Variants in FUT9 observed in about 807,000 individuals in gnomAD.
The protein encoded by FUT9 is 4-galactosyl-N-acetylglucosaminide 3-alpha-L-fucosyltransferase 9.
Under a neutral mutation model 29.7 loss-of-function variants are expected in FUT9, and 15 were observed. That is an observed-to-expected ratio of 0.51 (90% CI 0.34 to 0.78). The LOEUF (loss-of-function observed/expected upper bound fraction) is 0.78. Ranked by LOEUF, FUT9 falls within the 30% of genes least tolerant of loss-of-function variation. The probability of loss-of-function intolerance (pLI) is 0.01; values close to 1 mark genes in which losing one functional copy is unlikely to be tolerated. For missense variants in FUT9, 319 were observed against 425.4 expected (o/e 0.75, Z 2.20); for synonymous variants, 169 against 153.7 (o/e 1.10, Z -0.74).
At chr6:96,179,657 T>C (rs1773269948) in intron 2 of FUT9, among the ~76,000 whole-genome samples, 1 of 152,074 alleles carries the variant, frequency 6.6e-6, no homozygotes, top group African/African-American at 2.4e-5. Context: ...TAAGTTACCT[T>C]GCTGGCTGAA....
At chr6:96,116,239 T>A (rs1279240076) in intron 2 of FUT9, among the ~76,000 whole-genome samples, 1 of 152,104 alleles carries the variant, frequency 6.6e-6, no homozygotes, top group East Asian at 1.9e-4. Flanking sequence ...AACATACCTG[T>A]TAAAAATGAA....
intron 1 of FUT9, among the ~76,000 whole-genome samples, chr6:96,053,016 A>G (rs540092828): frequency 1.0e-3 from 153 of 152,164 alleles, no homozygotes; most frequent in Non-Finnish European, 1.7e-3. Flanking sequence ...ACAAAGCCCA[A>G]TCATCACTGA....
At chr6:96,097,916 A>T (rs912628905) in intron 1 of FUT9, among the ~76,000 whole-genome samples, 4 of 152,128 alleles carry the variant, frequency 2.6e-5, no homozygotes, top group African/African-American at 9.7e-5. Context: ...GATACAAAAA[A>T]ATATGCATAC....
intron 2 of FUT9, among the ~76,000 whole-genome samples, chr6:96,127,168 T>C (rs1270640283): frequency 6.6e-6 from 1 of 152,176 alleles, no homozygotes; most frequent in African/African-American, 2.4e-5. Flanking sequence ...AGGTAGTTTT[T>C]CAATCCTCAC....
intron 2 of FUT9, among the ~76,000 whole-genome samples, chr6:96,117,840 A>G (rs1442778871): frequency 2.6e-5 from 4 of 152,206 alleles, no homozygotes; most frequent in Non-Finnish European, 5.9e-5. Context: ...ATTTTATATC[A>G]TTAAAAAACT....
rs914361709 is a variant in FUT9 at position 96,043,139 on chromosome 6, C to T, written c.-98+26927C>T. On this transcript the variant is annotated intron_variant, in intron 1 of 2. Transcript: ENST00000302103. ...CGATCTCGGCTCACTGCAAGCTCCG[C>T]CTCCCGGGTTCATGCCATTCTCCTG... Among the ~76,000 whole-genome samples the T allele has an allele frequency of 7.2e-5, 11 of 152,164 alleles. No individual in the cohort carries two copies. In the South Asian group the frequency reaches 1.5e-3, roughly 20 times the overall value.
At chr6:96,056,291 A>G (rs2127941263) in intron 1 of FUT9, among the ~76,000 whole-genome samples, 1 of 152,358 alleles carries the variant, frequency 6.6e-6, no homozygotes, top group South Asian at 2.1e-4. Context: ...GGGTAGAAAA[A>G]GACAAATAGA....
At chr6:96,094,498 C>A (rs1243623602) in intron 1 of FUT9, among the ~76,000 whole-genome samples, 2 of 152,052 alleles carry the variant, frequency 1.3e-5, no homozygotes, top group Admixed American at 6.6e-5. Context: ...AGGTTGCAAC[C>A]TATGATGAGA....
intron 1 of FUT9, among the ~76,000 whole-genome samples, chr6:96,096,684 ATGTG>A (rs1243489757): frequency 4.5e-4 from 63 of 140,866 alleles, no homozygotes; most frequent in African/African-American, 1.7e-3. Flanking sequence ...TGTCTAAGGC[ATGTG>A]TGTGTGTGTG....
intron 2 of FUT9, among the ~76,000 whole-genome samples, chr6:96,156,479 G>A (rs1772787236): frequency 6.6e-6 from 1 of 152,120 alleles, no homozygotes; most frequent in Non-Finnish European, 1.5e-5. Flanking sequence ...AAAGCAGGTT[G>A]CCAGTTTTCC....
At chr6:96,194,459 G>A (rs539732470) in intron 2 of FUT9, among the ~76,000 whole-genome samples, 11 of 152,178 alleles carry the variant, frequency 7.2e-5, no homozygotes, top group East Asian at 1.9e-4. Flanking sequence ...AGAAATGTCC[G>A]TCTTCCATAC....
chr6:96,134,549 A>G (rs936235934), intron 2 of FUT9, among the ~76,000 whole-genome samples: 1 of 151,904 alleles, frequency 6.6e-6, no homozygotes, highest in African/African-American at 2.4e-5. Context: ...TTTCTCCTTC[A>G]GTTCATAAAA....
chr6:96,200,030 G>C (rs1045350098), intron 2 of FUT9, among the ~76,000 whole-genome samples: 7 of 152,134 alleles, frequency 4.6e-5, no homozygotes, highest in African/African-American at 1.7e-4. Context: ...AAGCCAGGTG[G>C]CCTGGGCTTG....
At chr6:96,093,452 G>A (rs1771445438) in intron 1 of FUT9, among the ~76,000 whole-genome samples, 1 of 152,110 alleles carries the variant, frequency 6.6e-6, no homozygotes, top group African/African-American at 2.4e-5. Flanking sequence ...ATGATTGACA[G>A]TATCCTCTAG....
chr6:96,200,933 C>G (rs927120802), intron 2 of FUT9, among the ~76,000 whole-genome samples: 1 of 151,690 alleles, frequency 6.6e-6, no homozygotes, highest in Admixed American at 6.6e-5. Flanking sequence ...TTTATTATTG[C>G]TGAATTTTTG....
In FUT9 at chr6:96,206,136, A is replaced by G. The variant is rs1773825066; in HGVS notation, c.*1901A>G. ...CTCCGAATGACGTTTGTATGGGTCA[A>G]TGCTGATTTAATGGGGAAAAAAAGT... On this transcript the variant is annotated 3_prime_UTR_variant, in exon 3 of 3. Coordinates refer to ENST00000302103, the MANE Select transcript of FUT9 (RefSeq NM_006581.4). 1 of 167,062 alleles carries G rather than the reference A, an allele frequency of 6.0e-6. No individual in the cohort carries two copies. Among genetic ancestry groups the G allele is most frequent in the Non-Finnish European group, 1.5e-5 (1 of 68,114 alleles). 10.3% of individuals were successfully genotyped at this position (167,062 alleles called of 1,614,324 possible).
chr6:96,032,010 C>G (rs954751768), intron 1 of FUT9, among the ~76,000 whole-genome samples: 1 of 151,496 alleles, frequency 6.6e-6, no homozygotes, highest in East Asian at 1.9e-4. Flanking sequence ...AAACTTGAGA[C>G]CTGTGTACCA....
intron 1 of FUT9, among the ~76,000 whole-genome samples, chr6:96,033,306 C>T (rs117264129): frequency 2.0e-3 from 296 of 151,568 alleles, no homozygotes; most frequent in Middle Eastern, 6.8e-3. Context: ...CTTGTGAGAC[C>T]TTACATCTAA....
intron 1 of FUT9, among the ~76,000 whole-genome samples, chr6:96,068,452 T>C (rs910020396): frequency 6.6e-6 from 1 of 152,202 alleles, no homozygotes. Context: ...TCAAATTCTA[T>C]AATAATAGTA....
Sources: allele counts gnomAD v4.1 joint callset (sites outside exome capture counted in the v4.1 genomes callset), GRCh38; gene constraint gnomAD v4.1.1; transcripts MANE v1.5; gene names NCBI Gene and HGNC (gene_info 2026-07-23, HGNC 2026-07-21).